RALGAPA2: variants seen among roughly 807,000 people sequenced by gnomAD.
RALGAPA2 encodes Ral GTPase activating protein catalytic subunit alpha 2.
A neutral mutation model predicts 230.4 loss-of-function variants in RALGAPA2; 139 were observed. The ratio of observed to expected loss-of-function variants is 0.60; its 90% CI spans 0.53 to 0.69. The LOEUF (loss-of-function observed/expected upper bound fraction) is 0.69. Among genes scored for constraint, RALGAPA2 ranks in the 30% least tolerant of loss-of-function variants. The probability of loss-of-function intolerance (pLI) is 0.00; values close to 1 mark genes in which losing one functional copy is unlikely to be tolerated. For missense variants in RALGAPA2, 2,163 were observed against 2,276.0 expected (o/e 0.95, Z 1.01); for synonymous variants, 847 against 837.8 (o/e 1.01, Z -0.19).
intron 36 of RALGAPA2, among the ~76,000 whole-genome samples, chr20:20,477,795 C>T (rs752202899): frequency 1.6e-4 from 25 of 152,240 alleles, no homozygotes; most frequent in Non-Finnish European, 2.8e-4. Context: ...ACCATGTTGG[C>T]CTGGCTGGTC....
intron 3 of RALGAPA2, among the ~76,000 whole-genome samples, chr20:20,669,153 C>T (rs2068052439): frequency 6.6e-6 from 1 of 152,162 alleles, no homozygotes; most frequent in African/African-American, 2.4e-5. Context: ...AATTAAGCCT[C>T]TTGTGTCGAT....
chr20:20,621,096 G>A (rs1165586054), intron 10 of RALGAPA2, among the ~76,000 whole-genome samples: 7 of 149,188 alleles, frequency 4.7e-5, no homozygotes, highest in African/African-American at 1.2e-4. Context: ...AGTCAAGGTC[G>A]CACCACTGCA....
At position 20,681,290 on chromosome 20, in the gene RALGAPA2, A is replaced by AACC. The variant is rs1264798231; in HGVS notation, c.107-492_107-490dup. 4.6e-5 allele frequency among the ~76,000 whole-genome samples: 7 copies of AACC among 152,298 alleles called. No individual in the cohort carries two copies. In the East Asian group the frequency reaches 1.4e-3, roughly 29 times the overall value. On this transcript the variant is annotated intron_variant, in intron 1 of 39. Transcript: ENST00000202677. Reference sequence around the variant, plus strand: ...ATAACTCTCTGGGCATGAAAAGAGAAACCAGCTCAAGTGAACTAGCACATG... The same window carrying AACC: ...ATAACTCTCTGGGCATGAAAAGAGAAACCACCAGCTCAAGTGAACTAGCACATG...
intron 23 of RALGAPA2, among the ~76,000 whole-genome samples, chr20:20,548,165 T>G (rs1284050310): frequency 6.6e-6 from 1 of 152,100 alleles, no homozygotes; most frequent in Non-Finnish European, 1.5e-5. Context: ...TCCTAGTTTC[T>G]TTTCTTAGAT....
intron 26 of RALGAPA2, among the ~76,000 whole-genome samples, chr20:20,535,108 G>A (rs2063465651): frequency 6.6e-6 from 1 of 152,186 alleles, no homozygotes; most frequent in Non-Finnish European, 1.5e-5. Flanking sequence ...TACAGAGGGA[G>A]CAGAACATGA....
At chr20:20,584,541 G>A (rs1433469348) in intron 19 of RALGAPA2, among the ~76,000 whole-genome samples, 2 of 152,190 alleles carry the variant, frequency 1.3e-5, no homozygotes, top group African/African-American at 4.8e-5. Context: ...CAAGTTAGAA[G>A]GTAAAAAGTG....
chr20:20,595,717 G>C (rs2065432256), intron 16 of RALGAPA2, among the ~76,000 whole-genome samples: 1 of 152,160 alleles, frequency 6.6e-6, no homozygotes, highest in African/African-American at 2.4e-5. Flanking sequence ...ACTTTGGGAG[G>C]CCGAGGTGGG....
At chr20:20,523,758 G>GA (rs1252290226) in intron 30 of RALGAPA2, among the ~76,000 whole-genome samples, 1 of 152,108 alleles carries the variant, frequency 6.6e-6, no homozygotes, top group African/African-American at 2.4e-5. Flanking sequence ...TTGCCCTAGG[G>GA]AAAAAATTAA....
chr20:20,443,338 T>TA (rs1569404936), intron 37 of RALGAPA2, among the ~76,000 whole-genome samples: 1 of 152,200 alleles, frequency 6.6e-6, no homozygotes, highest in Non-Finnish European at 1.5e-5. Context: ...CTCCAGTGAA[T>TA]GAATGGCTTC....
At chr20:20,604,727 T>C (rs1447743871) in intron 15 of RALGAPA2, among the ~76,000 whole-genome samples, 1 of 152,060 alleles carries the variant, frequency 6.6e-6, no homozygotes, top group East Asian at 1.9e-4. Context: ...CTATCGTTAG[T>C]TTTACTGTAT....
intron 36 of RALGAPA2, among the ~76,000 whole-genome samples, chr20:20,494,703 G>A (rs886091392): frequency 2.6e-5 from 4 of 152,174 alleles, no homozygotes; most frequent in African/African-American, 7.2e-5. Flanking sequence ...GCAAGTGCCC[G>A]ACACCAGGCA....
intron 33 of RALGAPA2, among the ~76,000 whole-genome samples, chr20:20,511,037 G>A (rs1282437267): frequency 6.6e-6 from 1 of 152,170 alleles, no homozygotes; most frequent in Non-Finnish European, 1.5e-5. Flanking sequence ...CAGATTAGGT[G>A]GGAGTGGTGA....
chr20:20,699,804 T>A (rs1373504379), intron 1 of RALGAPA2, among the ~76,000 whole-genome samples: 1 of 152,014 alleles, frequency 6.6e-6, no homozygotes, highest in African/African-American at 2.4e-5. Flanking sequence ...TTAAAAAAAA[T>A]GACAGATGCT....
At position 20,712,593 on chromosome 20, in the gene RALGAPA2, GCCCCGCTGCTGC is replaced by G; in HGVS notation, c.-125_-114del. The G allele has an allele frequency of 8.3e-7, 1 of 1,200,180 alleles. No homozygotes were observed. Among genetic ancestry groups the G allele is most frequent in the Non-Finnish European group, 1.0e-6 (1 of 956,782 alleles). 74.3% of individuals were successfully genotyped at this position (1,200,180 alleles called of 1,614,324 possible). A position where few individuals can be genotyped will look rare whatever the true frequency, so the allele number is the denominator to read the frequency against. ...TCGCGCGGGCCACTCGCCGCCCCCA[GCCCCGCTGCTGC>G]CGCCGCCGCCGCCGCCGCCGCCGCC... On this transcript the variant is annotated 5_prime_UTR_variant, in exon 1 of 40. Coordinates refer to ENST00000202677, the MANE Select transcript of RALGAPA2 (RefSeq NM_020343.4). The surrounding 1 kb of genome is among the most constrained non-coding windows in gnomAD (Gnocchi z 5.5).
chr20:20,409,751 G>A (rs1185099983), intron 38 of RALGAPA2, among the ~76,000 whole-genome samples: 1 of 152,188 alleles, frequency 6.6e-6, no homozygotes, highest in Admixed American at 6.5e-5. Flanking sequence ...AGATGCTTCC[G>A]AAAACGTGCT....
intron 37 of RALGAPA2, among the ~76,000 whole-genome samples, chr20:20,445,417 A>T (rs1467822174): frequency 2.0e-5 from 3 of 152,180 alleles, no homozygotes; most frequent in Admixed American, 1.3e-4. Context: ...GGGGCCACTG[A>T]ATGACATTTA....
At chr20:20,493,739 T>C (rs2062127646) in intron 36 of RALGAPA2, among the ~76,000 whole-genome samples, 1 of 152,224 alleles carries the variant, frequency 6.6e-6, no homozygotes, top group African/African-American at 2.4e-5. Context: ...AATTTTCAGT[T>C]TAATTCTTTA....
At position 20,390,919 on chromosome 20, in the gene RALGAPA2, G is replaced by C. The variant is rs1489545241; in HGVS notation, c.*2370C>G. On this transcript the variant is annotated 3_prime_UTR_variant, in exon 40 of 40. Coordinates refer to ENST00000202677, the MANE Select transcript of RALGAPA2 (RefSeq NM_020343.4). ...TCGTTATAATCCTCAGGGGTTACAGGAGGGTTGAGTTATTTGCTGCCTACA... is the reference window on the plus strand; with the variant it reads ...TCGTTATAATCCTCAGGGGTTACAGCAGGGTTGAGTTATTTGCTGCCTACA... 1 of 152,180 alleles carries C rather than the reference G, an allele frequency of 6.6e-6. No individual in the cohort carries two copies. Among genetic ancestry groups the C allele is most frequent in the Non-Finnish European group, 1.5e-5 (1 of 68,034 alleles). The allele number at this position is 152,180 out of a possible 1,614,324, so 9.4% of individuals were successfully genotyped here.
chr20:20,659,726 C>T (rs766398663), intron 3 of RALGAPA2: 4 of 699,448 alleles, frequency 5.7e-6, no homozygotes, highest in South Asian at 4.2e-5. Context: ...AAGTTATACA[C>T]CTTGAAAGAT....
Sources: allele counts gnomAD v4.1 joint callset (sites outside exome capture counted in the v4.1 genomes callset), GRCh38; gene constraint gnomAD v4.1.1; non-coding constraint Gnocchi (gnomAD v3.1); transcripts MANE v1.5; gene names NCBI Gene and HGNC (gene_info 2026-07-23, HGNC 2026-07-21).